ACVR1B: variants seen among roughly 807,000 people sequenced by gnomAD.
The protein encoded by ACVR1B is activin receptor type-1B.
Under a neutral mutation model 55.6 loss-of-function variants are expected in ACVR1B, and 15 were observed. That is an observed-to-expected ratio of 0.27 (90% confidence interval 0.18 to 0.42). The LOEUF is 0.42. ACVR1B is among the 10% of genes least tolerant of loss of function. The pLI, the probability that ACVR1B is intolerant of heterozygous loss-of-function variation, is 1.00. For synonymous variants in ACVR1B, 247 were observed against 254.6 expected, an observed-to-expected ratio of 0.97 and a Z score of 0.28; for missense variants, 359 against 670.1, an observed-to-expected ratio of 0.54 and a Z score of 5.13.
In ACVR1B at chr12:51,951,830, C is replaced by G. The variant is rs1941302562; in HGVS notation, c.87C>G (p.Val29=). 1 of 1,274,608 alleles carries G rather than the reference C, an allele frequency of 7.8e-7. No individual in the cohort carries two copies. The highest frequency in any genetic ancestry group is 3.4e-5 in the Admixed American group (1 of 29,014). The allele number at this position is 1,274,608 out of a possible 1,614,324, so 79.0% of individuals were successfully genotyped here. ...GCGGCGGGTCCGGGCCCCGGGGGGT[C>G]CAGGGTGAGTCCTGGGACGGGGGGC... ...AGSGGSGPRG[V]QALLCACTSC... Residue 29 remains valine (V), a synonymous_variant, in exon 1 of 9, where the codon GTC becomes GTG. Coordinates refer to ENST00000257963, the MANE Select transcript of ACVR1B (RefSeq NM_004302.5).
At chr12:51,969,593 A>AT (rs1941706755) in intron 1 of ACVR1B, among the ~76,000 whole-genome samples, 1 of 152,208 alleles carries the variant, frequency 6.6e-6, no homozygotes, top group African/African-American at 2.4e-5. Flanking sequence ...GCTAATTGGA[A>AT]TTTTTTATAG....
chr12:51,983,937 C>T, intron 4 of ACVR1B, 62 bp from the exon 5 acceptor site: 1 of 1,577,384 alleles, frequency 6.3e-7, no homozygotes, highest in Non-Finnish European at 8.7e-7. Context: ...TCATCCTTAC[C>T]AACCTTCACT....
At chr12:51,988,897 T>C (rs1004045044) in intron 7 of ACVR1B, among the ~76,000 whole-genome samples, 3 of 152,028 alleles carry the variant, frequency 2.0e-5, no homozygotes, top group Admixed American at 6.6e-5. Flanking sequence ...GTGGGCTGAT[T>C]ACCTGAGGCC....
At chr12:51,978,557 C>T (rs1214686276) in intron 3 of ACVR1B, among the ~76,000 whole-genome samples, 1 of 152,096 alleles carries the variant, frequency 6.6e-6, no homozygotes, top group South Asian at 2.1e-4. Flanking sequence ...CGGCCAGGCG[C>T]GGTGGCTCAC....
At chr12:51,982,504 C>CA (rs1941998034) in intron 4 of ACVR1B, among the ~76,000 whole-genome samples, 1 of 152,166 alleles carries the variant, frequency 6.6e-6, no homozygotes, top group Non-Finnish European at 1.5e-5. Flanking sequence ...AGGGGACAGA[C>CA]ACGTGGACAG....
At chr12:51,972,010 A>T (rs546548839) in intron 1 of ACVR1B, among the ~76,000 whole-genome samples, 32 of 152,334 alleles carry the variant, frequency 2.1e-4, no homozygotes, top group African/African-American at 6.3e-4. Context: ...GTGGTTAAGG[A>T]GACACATTTT....
rs1310835190 is a variant in ACVR1B at position 51,975,420 on chromosome 12, T to C, written c.247T>C (p.Tyr83His). ...GCTGGTCCCTGCCGGGAAGCCCTTC[T>C]ACTGCCTGAGCTCGGAGGACCTGCG... ...VELVPAGKPF[Y>H]CLSSEDLRNT... The change falls in exon 2 of 9, where the codon TAC becomes CAC. Residue 83 changes from tyrosine (Y) to histidine (H), a missense_variant. Around this residue, in one of 5 missense-constraint regions of ACVR1B, gnomAD observed 133 missense variants for 188.2 expected, o/e 0.71. Coordinates refer to ENST00000257963, the MANE Select transcript of ACVR1B (RefSeq NM_004302.5). The C allele has an allele frequency of 6.2e-7, 1 of 1,614,212 alleles. No individual in the cohort carries two copies. Among genetic ancestry groups the C allele is most frequent in the Admixed American group, 1.7e-5 (1 of 60,030 alleles).
At position 51,986,920 on chromosome 12, in the gene ACVR1B, T is replaced by G. The variant is rs1311468890; in HGVS notation, c.1239T>G (p.Ile413Met). Residue 413 changes from isoleucine (I) to methionine (M), a missense_variant, in exon 7 of 9, where the codon ATT becomes ATG. Ile to Met is a conservative substitution (Grantham distance 10). This residue lies in a region of ACVR1B where 119 missense variants were observed against 340.2 expected (regional missense o/e 0.35). Coordinates refer to ENST00000257963, the MANE Select transcript of ACVR1B (RefSeq NM_004302.5). ...CCCTCGGGCTTGTATATTGGGAGAT[T>G]GCTCGAAGATGCAATTCTGGAGGTA... Reference protein sequence around the residue: ...IYALGLVYWEIARRCNSGGVH... With the variant: ...IYALGLVYWEMARRCNSGGVH... The G allele has an allele frequency of 1.2e-6, 2 of 1,614,134 alleles. No individual in the cohort carries two copies. The highest frequency in any genetic ancestry group is 2.7e-5 in the African/African-American group (2 of 74,934).
intron 4 of ACVR1B, 102 bp downstream of exon 4, chr12:51,981,301 G>T (rs561442251): frequency 2.0e-6 from 2 of 1,015,012 alleles, no homozygotes; most frequent in Non-Finnish European, 2.9e-6. Flanking sequence ...ATTGTAACCC[G>T]TAGAAAGAAA....
chr12:51,976,549 A>ATC lies in ACVR1B; in HGVS notation c.559_560dup (p.Thr188ProfsTer47). The ATC allele has an allele frequency of 6.2e-7, 1 of 1,613,626 alleles. No homozygotes were observed. The highest frequency in any genetic ancestry group is 8.5e-7 in the Non-Finnish European group (1 of 1,180,022). On this transcript the variant is annotated frameshift_variant, in exon 3 of 9. Transcript: ENST00000257963. LOFTEE classifies it high-confidence loss of function. ...AAGACGCTCCAGGATCTTGTCTACG[A>ATC]TCTCTCCACCTCAGGGTCTGGCTCA... is the stretch of plus-strand genomic sequence containing the variant.
At chr12:51,992,529 C>G (rs1942213055) in intron 8 of ACVR1B, among the ~76,000 whole-genome samples, 1 of 152,128 alleles carries the variant, frequency 6.6e-6, no homozygotes, top group Non-Finnish European at 1.5e-5. Flanking sequence ...GGCTTTGTCT[C>G]CAAGACACAG....
chr12:51,953,533 G>C (rs953886952), intron 1 of ACVR1B: 8 of 983,930 alleles, frequency 8.1e-6, no homozygotes, highest in Non-Finnish European at 9.6e-6. Flanking sequence ...AAGGATGTTC[G>C]TCGGGCCTTA....
chr12:51,961,388 T>C (rs1941524127), intron 1 of ACVR1B, among the ~76,000 whole-genome samples: 4 of 152,224 alleles, frequency 2.6e-5, no homozygotes, highest in Admixed American at 6.5e-5. Context: ...ATTATAATCT[T>C]GTATATATAG....
At chr12:51,989,934 G>A (rs1231900533) in intron 7 of ACVR1B, among the ~76,000 whole-genome samples, 2 of 152,048 alleles carry the variant, frequency 1.3e-5, no homozygotes, top group African/African-American at 4.8e-5. Flanking sequence ...GCAGCAAGCC[G>A]AGATCGTGCC....
chr12:51,959,665 G>A (rs1192736558), intron 1 of ACVR1B, among the ~76,000 whole-genome samples: 3 of 152,198 alleles, frequency 2.0e-5, no homozygotes, highest in Admixed American at 6.5e-5. Flanking sequence ...AATAGGTAAA[G>A]CAAGAGAGGG....
chr12:51,970,715 G>A (rs1790875446), intron 1 of ACVR1B, among the ~76,000 whole-genome samples: 1 of 152,114 alleles, frequency 6.6e-6, no homozygotes, highest in African/African-American at 2.4e-5. Flanking sequence ...AGAGTGCTGA[G>A]AAGCAGTTTA....
At chr12:51,959,240 G>A (rs926195115) in intron 1 of ACVR1B, among the ~76,000 whole-genome samples, 22 of 152,190 alleles carry the variant, frequency 1.4e-4, no homozygotes, top group African/African-American at 5.3e-4. Flanking sequence ...ATCATGGTGG[G>A]TCTGTCTTGA....
At position 51,981,138 on chromosome 12, in the gene ACVR1B, A is replaced by T. The variant is rs971518193; in HGVS notation, c.750A>T (p.Ile250=). The change falls in exon 4 of 9, where the codon ATA becomes ATT. Residue 250 remains isoleucine, a synonymous_variant. Coordinates refer to ENST00000257963, the MANE Select transcript of ACVR1B (RefSeq NM_004302.5). ...GGTCTTGGTTCAGGGAAGCAGAGAT[A>T]TACCAGACGGTCATGCTGCGCCATG... ...EERSWFREAE[I]YQTVMLRHEN... The T allele has an allele frequency of 1.3e-5, 21 of 1,614,098 alleles. No homozygotes were observed. Among genetic ancestry groups the T allele is most frequent in the Non-Finnish European group, 1.8e-5 (21 of 1,180,048 alleles).
At chr12:51,979,466 C>CAAAAA (rs11421560) in intron 3 of ACVR1B, among the ~76,000 whole-genome samples, 2 of 117,788 alleles carry the variant, frequency 1.7e-5, no homozygotes, top group Non-Finnish European at 1.7e-5. Context: ...GACACCATCT[C>CAAAAA]AAAAAAAAAA....
Sources: allele counts gnomAD v4.1 joint callset (sites outside exome capture counted in the v4.1 genomes callset), GRCh38; gene constraint gnomAD v4.1.1; regional missense constraint gnomAD v4.1.1; transcripts MANE v1.5; gene names NCBI Gene and HGNC (gene_info 2026-07-23, HGNC 2026-07-21).